DNMT1: variants seen among roughly 807,000 people sequenced by gnomAD.
DNMT1 encodes DNA (cytosine-5)-methyltransferase 1.
In DNMT1, 24 loss-of-function variants were observed where a neutral mutation model predicts 205.3. That is an observed-to-expected ratio of 0.12 (90% CI 0.08 to 0.16). The LOEUF (loss-of-function observed/expected upper bound fraction) is 0.16, where lower values mean the gene tolerates loss of function less well. Among genes scored for constraint, DNMT1 ranks in the 10% least tolerant of loss-of-function variants. The probability of loss-of-function intolerance (pLI) is 1.00; values close to 1 mark genes in which losing one functional copy is unlikely to be tolerated. For synonymous variants in DNMT1, 817 were observed against 839.8 expected (o/e 0.97, Z 0.47); for missense variants, 1,293 against 2,177.7 (o/e 0.59, Z 8.09).
At chr19:10,172,113 A>G (rs931503930) in intron 9 of DNMT1, among the ~76,000 whole-genome samples, 4 of 152,062 alleles carry the variant, frequency 2.6e-5, no homozygotes, top group African/African-American at 7.2e-5. Context: ...CTACAAAAAA[A>G]TAAGTTTGAA....
Position 10,180,882 on chromosome 19 carries a change from A to G in DNMT1, c.121T>C (p.Cys41Arg), listed in dbSNP as rs1218241317. Residue 41 changes from cysteine (C) to arginine (R), a missense_variant, in exon 3 of 41, where the codon TGT becomes CGT. Physicochemically the swap from Cys to Arg is radical, Grantham distance 180. Coordinates refer to ENST00000359526, the MANE Select transcript of DNMT1 (RefSeq NM_001130823.3). ...LERDSLTEKECVKEKLNLLHE... is the reference protein window; with the variant it reads ...LERDSLTEKERVKEKLNLLHE... Reference sequence around the variant, plus strand: ...AAGAGATTCAATTTCTCCTTCACACATTCCTAAGGGAAGGATATAGGTTTA... The same window carrying G: ...AAGAGATTCAATTTCTCCTTCACACGTTCCTAAGGGAAGGATATAGGTTTA... 6.2e-7 allele frequency: 1 copy of G among 1,613,898 alleles called. No homozygotes were observed. The highest frequency in any genetic ancestry group is 8.5e-7 in the Non-Finnish European group (1 of 1,179,782).
chr19:10,156,348 T>C lies in DNMT1; in HGVS notation c.1399+43A>G, dbSNP rs746421102. 5.3e-6 allele frequency: 8 copies of C among 1,523,566 alleles called. No homozygotes were observed. In the South Asian group the frequency reaches 9.0e-5, roughly 17 times the overall value. The allele number at this position is 1,523,566 out of a possible 1,614,324, so 94.4% of individuals were successfully genotyped here. Reference sequence around the variant, plus strand: ...AGATGTGAGCCACCCTGCCTGGCTGTTTTTAAAGTGTGCCCCAAACATAAT... The same window carrying C: ...AGATGTGAGCCACCCTGCCTGGCTGCTTTTAAAGTGTGCCCCAAACATAAT... On this transcript the variant is annotated intron_variant, in intron 18 of 40. Transcript: ENST00000359526. This position sits in a 1 kb window ranked among gnomAD's most constrained non-coding sequence, Gnocchi z 4.2.
In DNMT1 at chr19:10,148,263, A is replaced by G. The variant is rs191741332; in HGVS notation, c.2720+621T>C. On this transcript the variant is annotated intron_variant, in intron 27 of 40. Transcript: ENST00000359526. ...TGTAATCCCAGCACTTTGGGAGGCC[A>G]AGGCGGGCAGATCACAAGGTCAGGA... Among the ~76,000 whole-genome samples, 804 of 151,508 alleles carry G rather than the reference A, an allele frequency of 5.3e-3. 5 individuals are homozygous for G. Among genetic ancestry groups the G allele is most frequent in the Middle Eastern group, 0.02 (6 of 294 alleles).
intron 9 of DNMT1, among the ~76,000 whole-genome samples, chr19:10,168,846 AT>A (rs1449242630): frequency 6.6e-6 from 1 of 152,112 alleles, no homozygotes; most frequent in Non-Finnish European, 1.5e-5. Flanking sequence ...TTATTCATTT[AT>A]TTATTTATGA....
intron 17 of DNMT1, among the ~76,000 whole-genome samples, chr19:10,158,161 C>T (rs1273952875): frequency 2.0e-5 from 3 of 152,206 alleles, no homozygotes; most frequent in African/African-American, 7.2e-5. Flanking sequence ...CAGGCTCCCC[C>T]AAGCCTTTGT....
intron 31 of DNMT1, 65 bp downstream of exon 31, chr19:10,141,040 G>A: frequency 6.2e-7 from 1 of 1,612,716 alleles, no homozygotes; most frequent in Non-Finnish European, 8.5e-7. Flanking sequence ...TTACACTGAG[G>A]GATTCACAGG....
At chr19:10,148,433 T>C (rs2038253350) in intron 27 of DNMT1, among the ~76,000 whole-genome samples, 2 of 150,328 alleles carry the variant, frequency 1.3e-5, no homozygotes, top group African/African-American at 2.4e-5. Context: ...GAAGCTGAGT[T>C]TGCAGTAAGC....
At chr19:10,162,620 G>GAAAAAAAAAAAAAAA in intron 13 of DNMT1, 47 bp downstream of exon 13, 5 of 1,316,372 alleles carry the variant, frequency 3.8e-6, no homozygotes, top group South Asian at 1.3e-5. Context: ...CCGTCTTGGG[G>GAAAAAAAAAAAAAAA]AAAAAAAAAA....
chr19:10,182,150 G>T, intron 1 of DNMT1, 73 bp from the exon 2 acceptor site: 2 of 1,494,824 alleles, frequency 1.3e-6, no homozygotes, highest in Non-Finnish European at 9.3e-7. Flanking sequence ...GAATATCACA[G>T]TTCTAAAGAA....
At chr19:10,148,116 C>CAAAAAAAAAAAAAAAAAAAAAATAAAAAA (rs2038240657) in intron 27 of DNMT1, among the ~76,000 whole-genome samples, 4 of 59,296 alleles carry the variant, frequency 6.7e-5, no homozygotes, top group Non-Finnish European at 9.3e-5. Context: ...AACTCTGTCT[C>CAAAAAAAAAAAAAAAAAAAAAATAAAAAA]AAAAAAAAAA....
At chr19:10,169,699 G>T (rs1188363271) in intron 9 of DNMT1, among the ~76,000 whole-genome samples, 3 of 152,180 alleles carry the variant, frequency 2.0e-5, no homozygotes, top group Admixed American at 6.6e-5. Context: ...CTGGGAAGCG[G>T]AGCTTGAAGT....
chr19:10,148,529 A>T (rs1198390446), intron 27 of DNMT1, among the ~76,000 whole-genome samples: 1 of 152,008 alleles, frequency 6.6e-6, no homozygotes, highest in African/African-American at 2.4e-5. Flanking sequence ...AAGGAAAGAA[A>T]AGAATCAAAT....
At chr19:10,155,641 C>T (rs772153726) in intron 19 of DNMT1, among the ~76,000 whole-genome samples, 1 of 152,008 alleles carries the variant, frequency 6.6e-6, no homozygotes, top group Non-Finnish European at 1.5e-5. Context: ...CCATATCCGG[C>T]CAAGACCTGC....
At chr19:10,179,169 T>C (rs935818100) in intron 5 of DNMT1, among the ~76,000 whole-genome samples, 8 of 151,680 alleles carry the variant, frequency 5.3e-5, no homozygotes, top group Admixed American at 2.0e-4. Flanking sequence ...AGAGTTCCTT[T>C]GCCTAAAACT....
At chr19:10,152,047 C>T (rs1210905766) in intron 22 of DNMT1, among the ~76,000 whole-genome samples, 200 bp from the exon 23 acceptor site, 1 of 148,566 alleles carries the variant, frequency 6.7e-6, no homozygotes, top group Non-Finnish European at 1.5e-5. Flanking sequence ...GTAATCCCAG[C>T]TACTTGGGAG....
At chr19:10,150,865 G>T (rs1294266949) in intron 24 of DNMT1, among the ~76,000 whole-genome samples, 1 of 152,142 alleles carries the variant, frequency 6.6e-6, no homozygotes, top group African/African-American at 2.4e-5. Context: ...GGCTGAGGTG[G>T]GTGGATCACT....
intron 11 of DNMT1, among the ~76,000 whole-genome samples, chr19:10,163,719 A>T (rs2038628946): frequency 6.6e-6 from 1 of 152,180 alleles, no homozygotes; most frequent in Non-Finnish European, 1.5e-5. Context: ...GCAAAATGTA[A>T]ATGAGAAAGT....
In DNMT1 at chr19:10,137,688, G is replaced by C; in HGVS notation, c.4293+144C>G. 8.7e-7 allele frequency: 1 copy of C among 1,150,494 alleles called. No homozygotes were observed. The allele number at this position is 1,150,494 out of a possible 1,614,324, so 71.3% of individuals were successfully genotyped here. On this transcript the variant is annotated intron_variant, in intron 36 of 40. Coordinates refer to ENST00000359526, the MANE Select transcript of DNMT1 (RefSeq NM_001130823.3). This position sits in a 1 kb window ranked among gnomAD's most constrained non-coding sequence, Gnocchi z 6.4. Reference sequence around the variant, plus strand: ...TCCCATGACCATGCAAGAGAGACCAGGGGTCACACAAAGGCTGAGGACTCG... The same window carrying C: ...TCCCATGACCATGCAAGAGAGACCACGGGTCACACAAAGGCTGAGGACTCG...
rs553069443 is a variant in DNMT1, at chr19:10,159,239, G to A, written c.1280+419C>T. 1.3e-3 allele frequency among the ~76,000 whole-genome samples: 197 copies of A among 152,242 alleles called. 1 individual carries two copies. Among genetic ancestry groups the A allele is most frequent in the African/African-American group, 4.5e-3 (189 of 41,540 alleles). Reference sequence around the variant, plus strand: ...AGCTTTCCACGTGGCTCTTTGAGACGGAGTCTTGCTCTGTCGCCCAGGCTG... The same window carrying A: ...AGCTTTCCACGTGGCTCTTTGAGACAGAGTCTTGCTCTGTCGCCCAGGCTG... On this transcript the variant is annotated intron_variant, in intron 17 of 40. Transcript: ENST00000359526. This position sits in a 1 kb window ranked among gnomAD's most constrained non-coding sequence, Gnocchi z 5.0.
Sources: allele counts gnomAD v4.1 joint callset (sites outside exome capture counted in the v4.1 genomes callset), GRCh38; gene constraint gnomAD v4.1.1; non-coding constraint Gnocchi (gnomAD v3.1); transcripts MANE v1.5; gene names NCBI Gene and HGNC (gene_info 2026-07-23, HGNC 2026-07-21).